Variants in NFIX observed in about 807,000 individuals in gnomAD.
NFIX encodes nuclear factor I X.
NFIX carries 2 observed loss-of-function variants against 53.3 expected under a neutral mutation model. The ratio of observed to expected loss-of-function variants is 0.04; its 90% CI spans 0.02 to 0.12. The LOEUF is 0.12. Among genes scored for constraint, NFIX ranks in the 10% least tolerant of loss-of-function variants. The pLI is 1.00. For missense variants in NFIX, 310 were observed against 674.5 expected, an observed-to-expected ratio of 0.46 and a Z score of 5.99; for synonymous variants, 244 against 289.0, an observed-to-expected ratio of 0.84 and a Z score of 1.58.
chr19:13,006,967 C>T lies in NFIX; in HGVS notation c.27+11103C>T, dbSNP rs1599709884. Among the ~76,000 whole-genome samples the T allele has an allele frequency of 1.3e-5, 2 of 152,324 alleles. No homozygotes were observed. Among genetic ancestry groups the T allele is most frequent in the East Asian group, 3.9e-4 (2 of 5,186 alleles). On this transcript the variant is annotated intron_variant, in intron 1 of 10. Transcript: ENST00000592199. The surrounding 1 kb of genome is among the most constrained non-coding windows in gnomAD (Gnocchi z 5.6). ...GTGGGGGTGGGGAAGTGCTGGGCGC[C>T]TCCAGGCCCCTGCTTGTCCCGTGCC...
At position 13,090,798 on chromosome 19, in the gene NFIX, T is replaced by C. The variant is rs1173048365; in HGVS notation, c.1494+408T>C. ...CCCTCCCCTTTCCCCTGGCGTTGGG[T>C]GGGCTGGGTGACGGGTGGAGGAGGG... On this transcript the variant is annotated intron_variant, in intron 10 of 10. Coordinates refer to ENST00000592199, the MANE Select transcript of NFIX (RefSeq NM_001365902.3). The surrounding 1 kb of genome is among the most constrained non-coding windows in gnomAD (Gnocchi z 6.6). 3.9e-5 allele frequency among the ~76,000 whole-genome samples: 6 copies of C among 152,184 alleles called. No homozygotes were observed. The East Asian group carries it at 1.2e-3, about 29-fold the overall frequency.
intron 2 of NFIX, among the ~76,000 whole-genome samples, chr19:13,054,021 G>A (rs1360712705): frequency 6.6e-6 from 1 of 152,200 alleles, no homozygotes; most frequent in Admixed American, 6.5e-5. Context: ...CGTGTTTCCT[G>A]AGCACGGATC....
At chr19:13,007,193 C>T (rs2012069962) in intron 1 of NFIX, among the ~76,000 whole-genome samples, 1 of 152,022 alleles carries the variant, frequency 6.6e-6, no homozygotes, top group Non-Finnish European at 1.5e-5. Context: ...CCCCCATAGG[C>T]GCCAACCTCA....
Position 13,096,247 on chromosome 19 carries a change from ACAGGT to A in NFIX, c.*1603_*1607del, listed in dbSNP as rs1321977498. The A allele has an allele frequency of 1.3e-5, 2 of 152,722 alleles. No individual in the cohort carries two copies. The highest frequency in any genetic ancestry group is 4.8e-5 in the African/African-American group (2 of 41,460). 9.5% of individuals were successfully genotyped at this position (152,722 alleles called of 1,614,324 possible). On this transcript the variant is annotated 3_prime_UTR_variant, in exon 11 of 11. Coordinates refer to ENST00000592199, the MANE Select transcript of NFIX (RefSeq NM_001365902.3). ...TCTTAATTGTATGAAAACACAAAGC[ACAGGT>A]CAGGATCCTCTGAGAGAAAATCAAC...
At position 13,022,672 on chromosome 19, in the gene NFIX, C is replaced by G. The variant is rs939558199; in HGVS notation, c.28-2349C>G. Reference sequence around the variant, plus strand: ...CGAGAGAAAGACTGAAACCAAAACACAGAGAGAAGGCGCAGCTGCTTCCCC... The same window carrying G: ...CGAGAGAAAGACTGAAACCAAAACAGAGAGAGAAGGCGCAGCTGCTTCCCC... On this transcript the variant is annotated intron_variant, in intron 1 of 10. Transcript: ENST00000592199. This position sits in a 1 kb window ranked among gnomAD's most constrained non-coding sequence, Gnocchi z 4.5. 1.3e-5 allele frequency among the ~76,000 whole-genome samples: 2 copies of G among 151,994 alleles called. No individual in the cohort carries two copies. Among genetic ancestry groups the G allele is most frequent in the Non-Finnish European group, 1.5e-5 (1 of 67,980 alleles).
chr19:13,017,008 C>T (rs1222410738), intron 1 of NFIX, among the ~76,000 whole-genome samples: 1 of 152,144 alleles, frequency 6.6e-6, no homozygotes, highest in East Asian at 1.9e-4. Flanking sequence ...TTCAACAGAG[C>T]GAGGGCGCCT....
In NFIX at chr19:13,081,995, G is replaced by A. The variant is rs960364997; in HGVS notation, c.1254+140G>A. 5.3e-6 allele frequency: 5 copies of A among 940,678 alleles called. No homozygotes were observed. The highest frequency in any genetic ancestry group is 2.6e-5 in the Admixed American group (1 of 39,000). 58.3% of individuals were successfully genotyped at this position (940,678 alleles called of 1,614,324 possible). ...CAGCAGGGAGCTGGTAGTACCAAAC[G>A]CCTCGATTTTCTGGGTCTGGGGACG... On this transcript the variant is annotated intron_variant, in intron 8 of 10. Coordinates refer to ENST00000592199, the MANE Select transcript of NFIX (RefSeq NM_001365902.3). The surrounding 1 kb of genome is among the most constrained non-coding windows in gnomAD (Gnocchi z 4.7).
At chr19:13,062,014 T>G (rs779266267) in intron 2 of NFIX, among the ~76,000 whole-genome samples, 26 of 152,086 alleles carry the variant, frequency 1.7e-4, no homozygotes, top group South Asian at 6.2e-4. Flanking sequence ...GGCTCCAAGC[T>G]GGAAATTTGC....
intron 1 of NFIX, 134 bp from the exon 2 acceptor site, chr19:13,024,887 G>T: frequency 7.5e-7 from 1 of 1,335,134 alleles, no homozygotes. Flanking sequence ...GGGGGAGGGA[G>T]GAGGAGGAGA....
chr19:13,061,788 T>TA, intron 2 of NFIX, among the ~76,000 whole-genome samples: 1 of 152,246 alleles, frequency 6.6e-6, no homozygotes, highest in South Asian at 2.1e-4. Context: ...AACTCAAAGT[T>TA]AAAATATGTT....
chr19:13,001,223 T>C lies in NFIX; in HGVS notation c.27+5359T>C, dbSNP rs979500812. Among the ~76,000 whole-genome samples, 1 of 152,188 alleles carries C rather than the reference T, an allele frequency of 6.6e-6. No individual in the cohort carries two copies. The highest frequency in any genetic ancestry group is 2.4e-5 in the African/African-American group (1 of 41,450). On this transcript the variant is annotated intron_variant, in intron 1 of 10. Coordinates refer to ENST00000592199, the MANE Select transcript of NFIX (RefSeq NM_001365902.3). The surrounding 1 kb of genome is among the most constrained non-coding windows in gnomAD (Gnocchi z 6.5). Reference sequence around the variant, plus strand: ...TCTCCCAGATCGGTGTGCATGTTAATCGGCATGTCAGGCCTCAGAGCCACC... The same window carrying C: ...TCTCCCAGATCGGTGTGCATGTTAACCGGCATGTCAGGCCTCAGAGCCACC...
chr19:13,056,190 A>G (rs1177527773), intron 2 of NFIX, among the ~76,000 whole-genome samples: 10 of 152,086 alleles, frequency 6.6e-5, no homozygotes, highest in Non-Finnish European at 1.3e-4. Flanking sequence ...GCAGGCGGGC[A>G]GGGGGAGGAG....
intron 2 of NFIX, among the ~76,000 whole-genome samples, chr19:13,059,385 C>G (rs2015915201): frequency 6.6e-6 from 1 of 152,194 alleles, no homozygotes. Flanking sequence ...GCTGGGGACA[C>G]CCAGTGTATT....
chr19:13,010,551 C>A (rs968857355), intron 1 of NFIX, among the ~76,000 whole-genome samples: 2 of 152,264 alleles, frequency 1.3e-5, no homozygotes, highest in African/African-American at 4.8e-5. Flanking sequence ...GCACTTACAC[C>A]TATAACATGC....
chr19:13,075,693 AC>A, intron 6 of NFIX, 22 bp downstream of exon 6: 1 of 1,608,394 alleles, frequency 6.2e-7, no homozygotes, highest in Non-Finnish European at 8.5e-7. Flanking sequence ...GGGGATCCTG[AC>A]CCAGAGCAAG....
intron 2 of NFIX, among the ~76,000 whole-genome samples, chr19:13,033,457 T>A (rs1205697965): frequency 6.6e-6 from 1 of 152,202 alleles, no homozygotes; most frequent in Non-Finnish European, 1.5e-5. Flanking sequence ...GGGGGCATCT[T>A]GGCTCTTCTC....
rs3046161 is a variant in NFIX at position 13,067,796 on chromosome 19, AAT to A, written c.560-5236_560-5235del. On this transcript the variant is annotated intron_variant, in intron 2 of 10. Coordinates refer to ENST00000592199, the MANE Select transcript of NFIX (RefSeq NM_001365902.3). The surrounding 1 kb of genome is among the most constrained non-coding windows in gnomAD (Gnocchi z 4.2). ...ACTACCTCCCCATCTGTAGGTGGAA[AAT>A]ATATATATATATATTAAAAACATGC... 2.7e-5 allele frequency among the ~76,000 whole-genome samples: 4 copies of A among 150,524 alleles called. No homozygotes were observed. The highest frequency in any genetic ancestry group is 3.0e-5 in the Non-Finnish European group (2 of 67,534).
Position 13,037,345 on chromosome 19 carries a change from A to T in NFIX, c.559+11793A>T, listed in dbSNP as rs993503164. ...AGGGCATGACCACTTCCCCTACCAGACGTAGTAGGCCAGTTTCAGCCTTAG... is the reference window on the plus strand; with the variant it reads ...AGGGCATGACCACTTCCCCTACCAGTCGTAGTAGGCCAGTTTCAGCCTTAG... On this transcript the variant is annotated intron_variant, in intron 2 of 10. Transcript: ENST00000592199. This position sits in a 1 kb window ranked among gnomAD's most constrained non-coding sequence, Gnocchi z 4.2. 1.3e-5 allele frequency among the ~76,000 whole-genome samples: 2 copies of T among 152,142 alleles called. No homozygotes were observed. Among genetic ancestry groups the T allele is most frequent in the Admixed American group, 6.5e-5 (1 of 15,280 alleles).
rs1178131309 is a variant in NFIX, at chr19:13,051,409, T to C, written c.560-21638T>C. On this transcript the variant is annotated intron_variant, in intron 2 of 10. Coordinates refer to ENST00000592199, the MANE Select transcript of NFIX (RefSeq NM_001365902.3). This position sits in a 1 kb window ranked among gnomAD's most constrained non-coding sequence, Gnocchi z 5.1. ...ATGGAAGGGAAGAGGAGGGGAATGC[T>C]GTCTGACCTGACAGCATTGCACAAG... is the stretch of plus-strand genomic sequence containing the variant. Among the ~76,000 whole-genome samples, 1 of 152,182 alleles carries C rather than the reference T, an allele frequency of 6.6e-6. No individual in the cohort carries two copies. The highest frequency in any genetic ancestry group is 1.5e-5 in the Non-Finnish European group (1 of 68,024).
Sources: allele counts gnomAD v4.1 joint callset (sites outside exome capture counted in the v4.1 genomes callset), GRCh38; gene constraint gnomAD v4.1.1; non-coding constraint Gnocchi (gnomAD v3.1); transcripts MANE v1.5; gene names NCBI Gene and HGNC (gene_info 2026-07-23, HGNC 2026-07-21).